The following RUNX1T1 variants were observed in gnomAD, a reference collection of about 807,000 sequenced individuals.
RUNX1T1 encodes RUNX1 partner transcriptional co-repressor 1.
RUNX1T1 carries 4 observed loss-of-function variants against 62.8 expected under a neutral mutation model. The ratio of observed to expected loss-of-function variants is 0.06; its 90% confidence interval spans 0.03 to 0.15. RUNX1T1 has a LOEUF of 0.15. Among genes scored for constraint, RUNX1T1 ranks in the 10% least tolerant of loss-of-function variants. The pLI is 1.00. For synonymous variants in RUNX1T1, 291 were observed against 286.0 expected, an observed-to-expected ratio of 1.02 and a Z score of -0.18; for missense variants, 508 against 754.3, an observed-to-expected ratio of 0.67 and a Z score of 3.82.
At chr8:91,983,781 A>G (rs761613790) in intron 8 of RUNX1T1, among the ~76,000 whole-genome samples, 56 of 152,196 alleles carry the variant, frequency 3.7e-4, no homozygotes, top group Non-Finnish European at 6.0e-4. Flanking sequence ...ACTTAATGTA[A>G]ATGATTGTGG....
chr8:92,005,472 G>A (rs1049847882), intron 4 of RUNX1T1, 175 bp from the exon 6 acceptor site: 16 of 576,500 alleles, frequency 2.8e-5, no homozygotes, highest in African/African-American at 9.6e-5. Flanking sequence ...TACCATGTGC[G>A]CAGATTGCCC....
chr8:92,014,895 C>G lies in RUNX1T1; in HGVS notation c.146-75G>C, dbSNP rs373753253. On this transcript the variant is annotated intron_variant, in intron 2 of 10. Coordinates refer to ENST00000396218, the Ensembl canonical transcript of RUNX1T1. ...GCATGAGGAAATTGCCACCAAGTTT[C>G]CTACCTTTTACATCTACTAGTTTTA... 358 of 1,437,264 alleles carry G rather than the reference C, an allele frequency of 2.5e-4. 1 individual carries two copies. The Middle Eastern group carries it at 2.8e-3, about 11-fold the overall frequency. 89.0% of individuals were successfully genotyped at this position (1,437,264 alleles called of 1,614,324 possible). A position where few individuals can be genotyped will look rare whatever the true frequency, so the allele number is the denominator to read the frequency against.
chr8:92,094,041 C>T (rs113175888), intron 1 of RUNX1T1, among the ~76,000 whole-genome samples: 196 of 152,298 alleles, frequency 1.3e-3, no homozygotes, highest in African/African-American at 4.4e-3. Flanking sequence ...GCAGAAATGA[C>T]ATACAGTAAT....
chr8:92,062,697 T>C, exon 1 of RUNX1T1: 3 of 1,610,396 alleles, frequency 1.9e-6, no homozygotes, highest in Non-Finnish European at 2.5e-6. Context: ...GGCAGGGTGC[T>C]GGGCGCGTGC....
At chr8:91,998,709 C>G (rs1819184108) in intron 5 of RUNX1T1, among the ~76,000 whole-genome samples, 1 of 152,208 alleles carries the variant, frequency 6.6e-6, no homozygotes, top group Non-Finnish European at 1.5e-5. Context: ...ATCTCTGCCA[C>G]TGCTGAAGCA....
intron 7 of RUNX1T1, among the ~76,000 whole-genome samples, 193 bp from the exon 9 acceptor site, chr8:91,986,518 A>G (rs570857721): frequency 3.4e-4 from 52 of 152,334 alleles, no homozygotes; most frequent in Non-Finnish European, 6.3e-4. Context: ...GAATGAGAAG[A>G]TAAGTGTTAT....
intron 9 of RUNX1T1, among the ~76,000 whole-genome samples, chr8:91,975,368 T>C (rs1466604902): frequency 6.6e-6 from 1 of 152,118 alleles, no homozygotes; most frequent in Non-Finnish European, 1.5e-5. Flanking sequence ...ACTTAAAGAG[T>C]AATTTAGCTC....
chr8:92,081,058 A>G (rs1835181761), intron 1 of RUNX1T1, among the ~76,000 whole-genome samples: 1 of 152,214 alleles, frequency 6.6e-6, no homozygotes, highest in African/African-American at 2.4e-5. Context: ...TTAGAAGCCC[A>G]CTGTATACGC....
chr8:92,066,032 TC>T (rs1223032539), upstream of RUNX1T1, among the ~76,000 whole-genome samples: 1 of 152,218 alleles, frequency 6.6e-6, no homozygotes, highest in African/African-American at 2.4e-5. Context: ...ATAAAGGCAC[TC>T]ATTTAAGCAG....
At chr8:92,081,553 T>C (rs868767245) in intron 1 of RUNX1T1, among the ~76,000 whole-genome samples, 2 of 150,768 alleles carry the variant, frequency 1.3e-5, no homozygotes, top group Admixed American at 6.6e-5. Flanking sequence ...TTTTTTTTTT[T>C]AAATCTAATT....
intron 1 of RUNX1T1, among the ~76,000 whole-genome samples, chr8:92,034,669 T>C (rs962701278): frequency 2.0e-5 from 3 of 150,260 alleles, no homozygotes; most frequent in South Asian, 2.1e-4. Context: ...GGCATATATA[T>C]ATGTGTGTGT....
At chr8:91,960,158 A>G (rs978983021) in exon 11 of RUNX1T1, 4 of 1,430,910 alleles carry the variant, frequency 2.8e-6, no homozygotes, top group African/African-American at 2.9e-5. Context: ...AACAAACAAA[A>G]AAAACAACTT....
intron 1 of RUNX1T1, chr8:92,099,515 A>G: frequency 1.6e-5 from 8 of 504,778 alleles, no homozygotes; most frequent in Non-Finnish European, 2.0e-5. Flanking sequence ...CATAAAACAA[A>G]GAACCTTTAA....
chr8:91,981,893 G>A (rs1263318735), intron 8 of RUNX1T1, among the ~76,000 whole-genome samples: 1 of 152,078 alleles, frequency 6.6e-6, no homozygotes, highest in African/African-American at 2.4e-5. Context: ...CAGGGAAAGT[G>A]CATTTATATT....
chr8:91,956,796 T>A (rs575801268), downstream of RUNX1T1: 8 of 217,408 alleles, frequency 3.7e-5, no homozygotes, highest in South Asian at 1.9e-4. Context: ...AATAATATTT[T>A]AAAAAAATTA....
chr8:91,989,504 A>G (rs1817226576), intron 6 of RUNX1T1, among the ~76,000 whole-genome samples: 2 of 152,234 alleles, frequency 1.3e-5, no homozygotes, highest in African/African-American at 4.8e-5. Flanking sequence ...TATAATTCAT[A>G]AAGGGATATT....
intron 5 of RUNX1T1, among the ~76,000 whole-genome samples, chr8:91,998,693 T>C (rs1819181066): frequency 6.6e-6 from 1 of 152,204 alleles, no homozygotes; most frequent in African/African-American, 2.4e-5. Context: ...TCCCTTGCCT[T>C]TTCTAATCTC....
intron 2 of RUNX1T1, among the ~76,000 whole-genome samples, chr8:92,072,361 A>C (rs1024860243): frequency 6.6e-6 from 1 of 152,222 alleles, no homozygotes; most frequent in Admixed American, 6.5e-5. Flanking sequence ...AAACTCTAAA[A>C]TATTTTGTGT....
intron 4 of RUNX1T1, among the ~76,000 whole-genome samples, chr8:92,009,122 GTTTAA>G (rs1427526717): frequency 6.6e-6 from 1 of 152,162 alleles, no homozygotes; most frequent in African/African-American, 2.4e-5. Context: ...GTGGTACTCA[GTTTAA>G]TTTAGCGATT....
Sources: gnomAD v4.1 joint callset for allele counts (sites outside exome capture counted in the v4.1 genomes callset) on GRCh38, gnomAD v4.1.1 for gene constraint, MANE v1.5 for transcripts, NCBI Gene and HGNC (gene_info 2026-07-23, HGNC 2026-07-21) for gene names.